DNAI1: variants seen among roughly 807,000 people sequenced by gnomAD.
The protein encoded by DNAI1 is dynein, axonemal, intermediate polypeptide 1.
DNAI1 carries 67 observed loss-of-function variants against 92.0 expected under a neutral mutation model. The ratio of observed to expected loss-of-function variants is 0.73; its 90% CI spans 0.60 to 0.89. The LOEUF (loss-of-function observed/expected upper bound fraction) is 0.89. Ranked by LOEUF, DNAI1 falls within the 40% of genes least tolerant of loss-of-function variation. DNAI1 has a pLI of 0.00. For synonymous variants in DNAI1, 323 were observed against 319.6 expected (o/e 1.01, Z -0.11); for missense variants, 839 against 866.6 (o/e 0.97, Z 0.40).
intron 19 of DNAI1, among the ~76,000 whole-genome samples, chr9:34,518,266 G>A (rs1825208007): frequency 6.6e-6 from 1 of 152,244 alleles, no homozygotes; most frequent in Non-Finnish European, 1.5e-5. Flanking sequence ...GCAATTTGAG[G>A]CATTTACTGC....
chr9:34,495,277 A>G (rs781754316), intron 9 of DNAI1, among the ~76,000 whole-genome samples: 14 of 152,176 alleles, frequency 9.2e-5, no homozygotes, highest in Non-Finnish European at 1.9e-4. Context: ...CACTCTCCTC[A>G]GAACACAACT....
In DNAI1 at chr9:34,485,235, G is replaced by T; in HGVS notation, c.175G>T (p.Asp59Tyr). Residue 59 changes from aspartate (D) to tyrosine (Y), a missense_variant, in exon 3 of 20, where the codon GAT becomes TAT. Physicochemically the swap from Asp to Tyr is radical, Grantham distance 160. Transcript: ENST00000242317. ...ACCCCCTGACCAGCTGGAGTTGACC[G>T]ATGCGGTGAGTGAGTAGCCTCTTGT... ...VRPPDQLELT[D>Y]AELKEEFTRI... is the part of the protein sequence containing the mutation. 1 of 1,614,174 alleles carries T rather than the reference G, an allele frequency of 6.2e-7. No homozygotes were observed. Among genetic ancestry groups the T allele is most frequent in the South Asian group, 1.1e-5 (1 of 91,080 alleles).
chr9:34,460,282 C>G (rs1201093202), intron 1 of DNAI1, among the ~76,000 whole-genome samples: 1 of 152,208 alleles, frequency 6.6e-6, no homozygotes, highest in African/African-American at 2.4e-5. Context: ...TTTCCAAACC[C>G]TTTATGAATT....
chr9:34,491,725 A>G (rs549210178), intron 8 of DNAI1, among the ~76,000 whole-genome samples, 171 bp downstream of exon 8: 1 of 152,316 alleles, frequency 6.6e-6, no homozygotes, highest in Non-Finnish European at 1.5e-5. Flanking sequence ...CACCAGGCAC[A>G]TGAGACAGTA....
chr9:34,516,763 A>G (rs916481140), intron 18 of DNAI1, among the ~76,000 whole-genome samples: 2 of 99,204 alleles, frequency 2.0e-5, no homozygotes, highest in Non-Finnish European at 4.3e-5. Flanking sequence ...TTTTTTTGAG[A>G]CAAGATCTCA....
At chr9:34,514,566 G>A (rs750557045) in intron 17 of DNAI1, 24 bp downstream of exon 17, 4 of 1,614,226 alleles carry the variant, frequency 2.5e-6, no homozygotes, top group South Asian at 2.2e-5. Context: ...TCCTGGCTCT[G>A]CCTGGGGCCC....
chr9:34,485,869 C>G (rs1046978043), intron 4 of DNAI1, among the ~76,000 whole-genome samples: 15 of 152,172 alleles, frequency 9.9e-5, no homozygotes, highest in African/African-American at 2.9e-4. Context: ...CTCTAGCCAG[C>G]CATCTGGATG....
At chr9:34,494,013 G>T (rs186235656) in intron 9 of DNAI1, among the ~76,000 whole-genome samples, 65 of 152,174 alleles carry the variant, frequency 4.3e-4, no homozygotes, top group South Asian at 1.4e-3. Flanking sequence ...ACGCTGAAGG[G>T]CCACATTTGT....
rs921513642 is a variant in DNAI1 at position 34,520,791 on chromosome 9, T to C, written c.*35T>C. On this transcript the variant is annotated 3_prime_UTR_variant, in exon 20 of 20. Transcript: ENST00000242317. ...CTCAGTCTCTGTCCCATCGCTTGAA[T>C]ACAGTACTCCTAGGGCTTGACCCTG... 1.9e-6 allele frequency: 3 copies of C among 1,545,876 alleles called. No homozygotes were observed. The Admixed American group carries it at 5.9e-5, about 30-fold the overall frequency.
chr9:34,459,032 C>T lies in DNAI1; in HGVS notation c.27C>T (p.Pro9=), dbSNP rs755692713. 6 of 1,614,054 alleles carry T rather than the reference C, an allele frequency of 3.7e-6. No individual in the cohort carries two copies. The South Asian group carries it at 5.5e-5, about 15-fold the overall frequency. MIPASAKA[P]HKQPHKQSIS... is the part of the protein sequence containing the mutation. ...TGATTCCTGCTTCTGCGAAGGCTCC[C>T]CATAAACAGCCTCATAAGCAGGTAA... is the stretch of plus-strand genomic sequence containing the variant. The change falls in exon 1 of 20, where the codon CCC becomes CCT. Residue 9 remains proline (P), a synonymous_variant. Coordinates refer to ENST00000242317, the MANE Select transcript of DNAI1 (RefSeq NM_012144.4).
chr9:34,482,628 G>T (rs1034887761), intron 1 of DNAI1, among the ~76,000 whole-genome samples: 1 of 152,198 alleles, frequency 6.6e-6, no homozygotes, highest in African/African-American at 2.4e-5. Flanking sequence ...GCTGATTGGT[G>T]TATTTACAAT....
At chr9:34,490,227 A>C in intron 6 of DNAI1, 103 bp downstream of exon 6, 1 of 1,609,416 alleles carries the variant, frequency 6.2e-7, no homozygotes, top group Non-Finnish European at 8.5e-7. Context: ...TAAGGTGAGA[A>C]TAGAGGCTGC....
intron 1 of DNAI1, among the ~76,000 whole-genome samples, chr9:34,483,018 C>G (rs1824399135): frequency 6.6e-6 from 1 of 152,236 alleles, no homozygotes; most frequent in South Asian, 2.1e-4. Flanking sequence ...TGCTAAGTCC[C>G]CCATTGCCCG....
chr9:34,467,949 G>A (rs1443022066), intron 1 of DNAI1, among the ~76,000 whole-genome samples: 1 of 152,198 alleles, frequency 6.6e-6, no homozygotes, highest in Non-Finnish European at 1.5e-5. Flanking sequence ...GTACCAGGGA[G>A]TAACACAGAT....
At chr9:34,515,683 A>G (rs1033052195) in intron 18 of DNAI1, among the ~76,000 whole-genome samples, 2 of 152,246 alleles carry the variant, frequency 1.3e-5, no homozygotes, top group Non-Finnish European at 2.9e-5. Flanking sequence ...ATGCTACAAC[A>G]TGGAGGAACC....
intron 1 of DNAI1, among the ~76,000 whole-genome samples, chr9:34,460,757 G>A (rs1200955198): frequency 1.3e-5 from 2 of 152,146 alleles, no homozygotes; most frequent in Admixed American, 6.5e-5. Flanking sequence ...CCACCTCCCC[G>A]ATTCAAGGGA....
At chr9:34,484,092 G>C (rs1049125955) in intron 2 of DNAI1, among the ~76,000 whole-genome samples, 3 of 152,302 alleles carry the variant, frequency 2.0e-5, no homozygotes, top group African/African-American at 7.2e-5. Context: ...GTGCATGCCT[G>C]TAGTCCCAAC....
chr9:34,512,057 C>G (rs1825074772), intron 13 of DNAI1, 52 bp from the exon 14 acceptor site: 3 of 1,581,186 alleles, frequency 1.9e-6, no homozygotes, highest in Admixed American at 3.3e-5. Context: ...GCCCACAGCC[C>G]TAACTCAACA....
At chr9:34,508,791 C>T (rs565350772) in intron 13 of DNAI1, among the ~76,000 whole-genome samples, 2 of 152,304 alleles carry the variant, frequency 1.3e-5, no homozygotes, top group African/African-American at 4.8e-5. Context: ...GAGCAGGTCC[C>T]AAGAAGACAG....
Sources: gnomAD v4.1 joint callset for allele counts (sites outside exome capture counted in the v4.1 genomes callset) on GRCh38, gnomAD v4.1.1 for gene constraint, MANE v1.5 for transcripts, NCBI Gene and HGNC (gene_info 2026-07-23, HGNC 2026-07-21) for gene names.